The following TRNT1 variants were observed in gnomAD, a reference collection of about 807,000 sequenced individuals.
TRNT1 encodes tRNA nucleotidyl transferase 1.
TRNT1 carries 44 observed loss-of-function variants against 45.6 expected under a neutral mutation model. The observed-to-expected ratio is 0.97, with a 90% CI of 0.76 to 1.24. The LOEUF (loss-of-function observed/expected upper bound fraction) is 1.24. Ranked by LOEUF, TRNT1 falls within the 50% of genes most tolerant of loss-of-function variation. TRNT1 has a pLI of 0.00. For missense variants in TRNT1, 633 were observed against 504.4 expected (o/e 1.25, Z -2.44); for synonymous variants, 201 against 171.4 (o/e 1.17, Z -1.35).
At chr3:3,153,404 A>C (rs750707474), downstream of TRNT1, 1 of 1,340,210 alleles carries the variant, frequency 7.5e-7, no homozygotes, top group Non-Finnish European at 1.1e-6. Flanking sequence ...AGTATATTAA[A>C]AACGTAATAA....
At chr3:3,128,535 G>T (rs1306902965) in intron 1 of TRNT1, among the ~76,000 whole-genome samples, 1 of 140,150 alleles carries the variant, frequency 7.1e-6, no homozygotes, top group Non-Finnish European at 1.5e-5. Context: ...GGAGGCAGGG[G>T]TTGCAGTGAG....
chr3:3,147,299 G>T (rs1706106849), intron 6 of TRNT1, 151 bp from the exon 7 acceptor site: 1 of 814,234 alleles, frequency 1.2e-6, no homozygotes, highest in Admixed American at 2.7e-5. Flanking sequence ...TATATTAGTG[G>T]TTCGCCTTTA....
Position 3,128,217 on chromosome 3 carries a change from A to G in TRNT1, c.-27-797A>G, listed in dbSNP as rs1370316952. ...ATGGAGGTTTGGGGAGTTCCCTCAGACCCCTAATAAACTTGTTCGTGGAGG... is the reference window on the plus strand; with the variant it reads ...ATGGAGGTTTGGGGAGTTCCCTCAGGCCCCTAATAAACTTGTTCGTGGAGG... On this transcript the variant is annotated intron_variant, in intron 1 of 7. Coordinates refer to ENST00000251607, the MANE Select transcript of TRNT1 (RefSeq NM_182916.3). Among the ~76,000 whole-genome samples, 3 of 152,006 alleles carry G rather than the reference A, an allele frequency of 2.0e-5. No individual in the cohort carries two copies. In the East Asian group the frequency reaches 5.8e-4, roughly 29 times the overall value.
intron 1 of TRNT1, 65 bp from the exon 2 acceptor site, chr3:3,128,949 C>A: frequency 1.6e-6 from 2 of 1,222,294 alleles, no homozygotes; most frequent in East Asian, 2.4e-5. Flanking sequence ...ATGTGTCCCC[C>A]TTTGTTTTCC....
At chr3:3,128,991 A>T (rs766359535) in intron 1 of TRNT1, 23 bp from the exon 2 acceptor site, 7 of 1,513,448 alleles carry the variant, frequency 4.6e-6, no homozygotes, top group Non-Finnish European at 5.4e-6. Flanking sequence ...TTTCATTGGT[A>T]TGCCTGTGTA....
chr3:3,138,274 T>TA (rs1705446301), intron 3 of TRNT1, among the ~76,000 whole-genome samples: 1 of 152,218 alleles, frequency 6.6e-6, no homozygotes, highest in African/African-American at 2.4e-5. Flanking sequence ...GTTTGATAGT[T>TA]ACGGTTATAG....
intron 2 of TRNT1, among the ~76,000 whole-genome samples, chr3:3,134,610 A>G (rs545206570): frequency 3.3e-5 from 5 of 152,294 alleles, no homozygotes; most frequent in African/African-American, 1.2e-4. Context: ...TAGTAAGTTC[A>G]AGTGAACGTA....
At chr3:3,144,051 G>C (rs941932699) in intron 4 of TRNT1, among the ~76,000 whole-genome samples, 4 of 152,110 alleles carry the variant, frequency 2.6e-5, no homozygotes, top group African/African-American at 9.7e-5. Flanking sequence ...TTATGACTTT[G>C]TGTGTGATAG....
chr3:3,151,255 G>A (rs147393962), downstream of TRNT1, among the ~76,000 whole-genome samples: 1 of 152,224 alleles, frequency 6.6e-6, no homozygotes, highest in Middle Eastern at 3.4e-3. Flanking sequence ...ATGCTCTTAA[G>A]CCATGTTTAC....
In TRNT1 at chr3:3,129,144, C is replaced by G; in HGVS notation, c.104C>G (p.Pro35Arg). 3 of 1,614,132 alleles carry G rather than the reference C, an allele frequency of 1.9e-6. No individual in the cohort carries two copies. Among genetic ancestry groups the G allele is most frequent in the Non-Finnish European group, 2.5e-6 (3 of 1,180,022 alleles). The change falls in exon 2 of 8, where the codon CCC becomes CGC. Residue 35 changes from proline (P) to arginine (R), a missense_variant. Physicochemically the swap from Pro to Arg is moderately radical, Grantham distance 103. Transcript: ENST00000251607. ...CTATTCACAATGAAGTTGCAGTCTC[C>G]CGAATTCCAGTCACTTTTCACAGAA... ...QYLFTMKLQS[P>R]EFQSLFTEGL...
chr3:3,146,317 ATGT>A lies in TRNT1; in HGVS notation c.609-108_609-106del, dbSNP rs1463204016. ...GTCCCTTCTAGACCTAACTAATTAT[ATGT>A]TGTTTTCATTAAGCAGATGTATGGG... is the stretch of plus-strand genomic sequence containing the variant. On this transcript the variant is annotated intron_variant, in intron 5 of 7. Transcript: ENST00000251607. 1.3e-5 allele frequency: 9 copies of A among 705,296 alleles called. No individual in the cohort carries two copies. In the African/African-American group the frequency reaches 1.6e-4, roughly 13 times the overall value. The allele number at this position is 705,296 out of a possible 1,614,324, so 43.7% of individuals were successfully genotyped here.
chr3:3,137,116 G>A (rs1359239973), intron 2 of TRNT1, 144 bp from the exon 3 acceptor site: 2 of 638,118 alleles, frequency 3.1e-6, no homozygotes, highest in African/African-American at 1.9e-5. Flanking sequence ...TTTGGGCCTT[G>A]TTCTCATTTT....
intron 2 of TRNT1, among the ~76,000 whole-genome samples, chr3:3,133,685 TCCA>T (rs1405494831): frequency 6.6e-6 from 1 of 152,166 alleles, no homozygotes; most frequent in Non-Finnish European, 1.5e-5. Flanking sequence ...TTGGCTGTTG[TCCA>T]CAGGGGGTGA....
chr3:3,136,791 A>G (rs1446284735), intron 2 of TRNT1: 2 of 361,538 alleles, frequency 5.5e-6, no homozygotes, highest in African/African-American at 2.2e-5. Context: ...AGTAGCTGGG[A>G]CTACAGGTGT....
At position 3,144,705 on chromosome 3, in the gene TRNT1, C is replaced by T. The variant is rs779567063; in HGVS notation, c.603C>T (p.Tyr201=). ...AGGATTATCTTAGAATTTTAAGATACTTCAGGTAAGAATTTTTAAAAATAA... is the reference window on the plus strand; with the variant it reads ...AGGATTATCTTAGAATTTTAAGATATTTCAGGTAAGAATTTTTAAAAATAA... ...IQEDYLRILR[Y]FRFYGRIVDK... The change falls in exon 5 of 8, where the codon TAC becomes TAT. Residue 201 remains tyrosine, a synonymous_variant. Coordinates refer to ENST00000251607, the MANE Select transcript of TRNT1 (RefSeq NM_182916.3). 3 of 1,529,994 alleles carry T rather than the reference C, an allele frequency of 2.0e-6. No homozygotes were observed. Among genetic ancestry groups the T allele is most frequent in the Admixed American group, 2.1e-5 (1 of 47,650 alleles). The allele number at this position is 1,529,994 out of a possible 1,614,324, so 94.8% of individuals were successfully genotyped here. A position where few individuals can be genotyped will look rare whatever the true frequency, so the allele number is the denominator to read the frequency against.
chr3:3,133,576 C>T (rs62228607), intron 2 of TRNT1, among the ~76,000 whole-genome samples: 9,994 of 151,358 alleles, frequency 0.066, 634 homozygotes, highest in African/African-American at 0.17. Flanking sequence ...AAATGAGAGA[C>T]TATTTTTCTG....
At chr3:3,137,803 G>A (rs570282876) in intron 3 of TRNT1, among the ~76,000 whole-genome samples, 1 of 152,090 alleles carries the variant, frequency 6.6e-6, no homozygotes, top group African/African-American at 2.4e-5. Context: ...TGTCTTCCTA[G>A]TATATTTATA....
chr3:3,130,716 A>G (rs1268587550), intron 2 of TRNT1: 1 of 152,192 alleles, frequency 6.6e-6, no homozygotes, highest in Non-Finnish European at 1.5e-5. Context: ...TATATCTAAG[A>G]TACTATCAGT....
At chr3:3,131,077 T>TA (rs111962069) in intron 2 of TRNT1, among the ~76,000 whole-genome samples, 6,534 of 144,684 alleles carry the variant, frequency 0.045, 206 homozygotes, top group African/African-American at 0.089. Flanking sequence ...ACCGTGTCTT[T>TA]AAAAAAAAAA....
Sources: gnomAD v4.1 joint callset for allele counts (sites outside exome capture counted in the v4.1 genomes callset) on GRCh38, gnomAD v4.1.1 for gene constraint, MANE v1.5 for transcripts, NCBI Gene and HGNC (gene_info 2026-07-23, HGNC 2026-07-21) for gene names.